Variants in NAV2 observed in about 807,000 individuals in gnomAD.
NAV2 encodes helicase, APC down-regulated 1.
In NAV2, 54 loss-of-function variants were observed where a neutral mutation model predicts 223.2. The observed-to-expected ratio is 0.24, with a 90% CI of 0.19 to 0.30. The LOEUF is 0.30. NAV2 is among the 10% of genes least tolerant of loss of function. The pLI is 1.00. For missense variants in NAV2, 2,806 were observed against 3,147.5 expected, an observed-to-expected ratio of 0.89 and a Z score of 2.60; for synonymous variants, 1,279 against 1,239.3, an observed-to-expected ratio of 1.03 and a Z score of -0.67.
At chr11:19,622,629 C>G (rs1442337753) in intron 1 of NAV2, among the ~76,000 whole-genome samples, 1 of 152,120 alleles carries the variant, frequency 6.6e-6, no homozygotes, top group East Asian at 1.9e-4. Context: ...AGATCTTCCT[C>G]CATCCCTTTA....
rs753554620 is a variant in NAV2, at chr11:20,092,361, C to T, written c.5808C>T (p.Thr1936=). ...SQHSLNLTES[T]SLDMLLDDTG... is the part of the protein sequence containing the mutation. ...ACAGCTTGAACCTCACTGAGTCAACCAGCCTGGGTGAGTGGCCTACAGGGT... is the reference window on the plus strand; with the variant it reads ...ACAGCTTGAACCTCACTGAGTCAACTAGCCTGGGTGAGTGGCCTACAGGGT... The change falls in exon 28 of 38, where the codon ACC becomes ACT. Residue 1936 remains threonine (T), a synonymous_variant. Coordinates refer to ENST00000349880, the MANE Select transcript of NAV2 (RefSeq NM_145117.5). 2.5e-6 allele frequency: 4 copies of T among 1,612,282 alleles called. No homozygotes were observed. The highest frequency in any genetic ancestry group is 3.4e-6 in the Non-Finnish European group (4 of 1,178,622).
chr11:20,042,451 C>G (rs1240706072), intron 12 of NAV2, among the ~76,000 whole-genome samples: 2 of 152,070 alleles, frequency 1.3e-5, no homozygotes, highest in Non-Finnish European at 2.9e-5. Context: ...TTCTCATAGC[C>G]AGGCAGTGTG....
Position 19,877,674 on chromosome 11 carries a change from G to A in NAV2, c.512-2195G>A, listed in dbSNP as rs181700586. Among the ~76,000 whole-genome samples, 91 of 151,752 alleles carry A rather than the reference G, an allele frequency of 6.0e-4. 1 individual carries two copies. In the South Asian group the frequency reaches 6.3e-3, roughly 10 times the overall value. On this transcript the variant is annotated intron_variant, in intron 4 of 37. Transcript: ENST00000349880. The stretch of plus-strand genomic sequence containing the variant: ...TTTTTAGTAGAGATGGGGTTTCACC[G>A]TGTTAGCCAGGATGGTCTCAATCTC...
At chr11:19,479,983 G>A (rs1455705623) in intron 1 of NAV2, among the ~76,000 whole-genome samples, 1 of 152,112 alleles carries the variant, frequency 6.6e-6, no homozygotes. Context: ...TAATTGGGGG[G>A]AAAACATAGT....
intron 1 of NAV2, among the ~76,000 whole-genome samples, chr11:19,793,358 T>C (rs1321107951): frequency 1.3e-5 from 2 of 152,174 alleles, no homozygotes; most frequent in African/African-American, 4.8e-5. Flanking sequence ...TTTAGAGCCA[T>C]TGGATATGTG....
chr11:19,585,228 C>T (rs552850642), intron 1 of NAV2, among the ~76,000 whole-genome samples: 2 of 152,128 alleles, frequency 1.3e-5, no homozygotes, highest in African/African-American at 4.8e-5. Context: ...TTTCCATTTG[C>T]TTGGTAGATC....
chr11:19,812,155 C>G (rs904017061), intron 1 of NAV2, among the ~76,000 whole-genome samples: 2 of 152,084 alleles, frequency 1.3e-5, no homozygotes, highest in African/African-American at 4.8e-5. Flanking sequence ...TGCCACCCCC[C>G]ACAATTTCTG....
chr11:19,715,491 G>A (rs2050228003), intron 1 of NAV2, among the ~76,000 whole-genome samples: 1 of 152,130 alleles, frequency 6.6e-6, no homozygotes, highest in Non-Finnish European at 1.5e-5. Context: ...TGGGAGGTCA[G>A]TACAGTGACT....
At chr11:19,423,903 G>A (rs1252470608) in intron 1 of NAV2, among the ~76,000 whole-genome samples, 1 of 152,106 alleles carries the variant, frequency 6.6e-6, no homozygotes, top group East Asian at 1.9e-4. Flanking sequence ...TAGGAGCTGA[G>A]GCATGAGCTG....
At chr11:19,737,293 T>A (rs2052406549) in intron 1 of NAV2, among the ~76,000 whole-genome samples, 1 of 151,936 alleles carries the variant, frequency 6.6e-6, no homozygotes, top group Non-Finnish European at 1.5e-5. Flanking sequence ...GGGAAGGGAG[T>A]GAATCTACAT....
At chr11:19,465,875 A>G (rs1426269801) in intron 1 of NAV2, among the ~76,000 whole-genome samples, 1 of 152,216 alleles carries the variant, frequency 6.6e-6, no homozygotes, top group East Asian at 1.9e-4. Flanking sequence ...ATTAGAAATG[A>G]TCTATGTCCT....
chr11:20,033,107 T>C (rs186697204), intron 11 of NAV2, among the ~76,000 whole-genome samples: 1 of 152,314 alleles, frequency 6.6e-6, no homozygotes, highest in East Asian at 1.9e-4. Flanking sequence ...CAATTAGACA[T>C]TTGCTTTTTA....
intron 1 of NAV2, among the ~76,000 whole-genome samples, chr11:19,715,474 C>T (rs2050225577): frequency 6.6e-6 from 1 of 152,018 alleles, no homozygotes; most frequent in Non-Finnish European, 1.5e-5. Flanking sequence ...GTGTAGTGGG[C>T]AGTCGGTGGG....
At chr11:19,978,542 CAA>C (rs1468529580) in intron 10 of NAV2, among the ~76,000 whole-genome samples, 2 of 152,050 alleles carry the variant, frequency 1.3e-5, no homozygotes, top group Non-Finnish European at 2.9e-5. Flanking sequence ...ACGTTTCAAC[CAA>C]AAGTGTGTCC....
intron 6 of NAV2, among the ~76,000 whole-genome samples, chr11:19,901,600 A>T (rs1280496766): frequency 1.3e-5 from 2 of 152,204 alleles, no homozygotes; most frequent in Non-Finnish European, 2.9e-5. Flanking sequence ...GTACATTGTT[A>T]TGGGGAATGG....
intron 1 of NAV2, among the ~76,000 whole-genome samples, chr11:19,696,206 C>T (rs1005291044): frequency 1.3e-5 from 2 of 152,204 alleles, no homozygotes; most frequent in African/African-American, 4.8e-5. Flanking sequence ...GCCACCAACG[C>T]CATTGTGCTA....
chr11:19,490,697 T>C (rs1444220967), intron 1 of NAV2, among the ~76,000 whole-genome samples: 1 of 152,234 alleles, frequency 6.6e-6, no homozygotes, highest in Non-Finnish European at 1.5e-5. Context: ...ATCAACTTCT[T>C]CCGAATTTCC....
chr11:19,886,988 C>A (rs11025315), intron 5 of NAV2, among the ~76,000 whole-genome samples: 11 of 151,916 alleles, frequency 7.2e-5, no homozygotes, highest in South Asian at 4.2e-4. Flanking sequence ...TCTACACCCC[C>A]CTTTCCCCAC....
At chr11:19,730,341 C>T (rs879329816) in intron 1 of NAV2, among the ~76,000 whole-genome samples, 4 of 151,952 alleles carry the variant, frequency 2.6e-5, no homozygotes, top group African/African-American at 9.7e-5. Context: ...CCAGACCCCC[C>T]ACCCACACAG....
Sources: gnomAD v4.1 joint callset for allele counts (sites outside exome capture counted in the v4.1 genomes callset) on GRCh38, gnomAD v4.1.1 for gene constraint, MANE v1.5 for transcripts, NCBI Gene and HGNC (gene_info 2026-07-23, HGNC 2026-07-21) for gene names.